Variants in LRCH4 observed in about 807,000 individuals in gnomAD.
LRCH4 encodes the protein leucine rich repeats and calponin homology domain containing 4, also known as leucine-rich repeat and calponin homology domain-containing protein 4.
Under a neutral mutation model 81.2 loss-of-function variants are expected in LRCH4, and 56 were observed. The observed-to-expected ratio is 0.69, with a 90% CI of 0.56 to 0.86. The LOEUF is 0.86. LRCH4 is among the 40% of genes least tolerant of loss of function. The pLI is 0.00. For missense variants in LRCH4, 895 were observed against 922.8 expected (o/e 0.97, Z 0.39); for synonymous variants, 442 against 409.7 (o/e 1.08, Z -0.95).
In LRCH4 at chr7:100,576,935, C is replaced by G. The variant is rs760691766; in HGVS notation, c.1435G>C (p.Ala479Pro). The change falls in exon 13 of 18, where the codon GCC becomes CCC. Residue 479 changes from alanine (A) to proline (P), a missense_variant. Physicochemically the swap from Ala to Pro is conservative, Grantham distance 27. Around this residue, in one of 3 missense-constraint regions of LRCH4, gnomAD observed 529 missense variants for 504.9 expected, o/e 1.05. Transcript: ENST00000310300. ...AGQGAPAPAP[A>P]SQEPLPIAGP... ...GCTATGGGAAGGGGCTCTTGGGAGG[C>G]AGGGGCAGGGGCGGGGGCTCCCTGC... is the stretch of plus-strand genomic sequence containing the variant. 6.4e-7 allele frequency: 1 copy of G among 1,566,724 alleles called. No homozygotes were observed. Among genetic ancestry groups the G allele is most frequent in the East Asian group, 2.3e-5 (1 of 43,302 alleles).
In LRCH4 at chr7:100,577,697, G is replaced by T. The variant is rs764509022; in HGVS notation, c.1083C>A (p.Val361=). The change falls in exon 9 of 18, where the codon GTC becomes GTA. Residue 361 remains valine (V), a synonymous_variant. Coordinates refer to ENST00000310300, the MANE Select transcript of LRCH4 (RefSeq NM_002319.5). The surrounding 1 kb of genome is among the most constrained non-coding windows in gnomAD (Gnocchi z 6.7). ...PVQIDFIDSH[V]PGEDEERGTV... ...TGCCTCGCTCTTCATCCTCCCCGGG[G>T]ACATGGCTGTCGATGAAGTCAATCT... is the stretch of plus-strand genomic sequence containing the variant. The T allele has an allele frequency of 1.9e-6, 3 of 1,613,926 alleles. No homozygotes were observed. Among genetic ancestry groups the T allele is most frequent in the Admixed American group, 1.7e-5 (1 of 60,014 alleles).
chr7:100,581,877 C>A lies in LRCH4; in HGVS notation c.498G>T (p.Val166=). The change falls in exon 4 of 18, where the codon GTG becomes GTT. Residue 166 remains valine, a synonymous_variant. Transcript: ENST00000310300. ...GTLGSLRQLD[V]SSNELQSLPS... ...GCAGGGATTGGAGCTCGTTGCTGCT[C>A]ACGTCCTGGTATCAGGAAGGCAGTG... 6.2e-7 allele frequency: 1 copy of A among 1,614,146 alleles called. No homozygotes were observed. The highest frequency in any genetic ancestry group is 1.1e-5 in the South Asian group (1 of 91,076).
In LRCH4 at chr7:100,578,624, C is replaced by T. The variant is rs963891110; in HGVS notation, c.735+26G>A. The T allele has an allele frequency of 8.1e-6, 13 of 1,609,518 alleles. No individual in the cohort carries two copies. The highest frequency in any genetic ancestry group is 1.1e-5 in the Non-Finnish European group (13 of 1,177,260). On this transcript the variant is annotated intron_variant, in intron 5 of 17. Coordinates refer to ENST00000310300, the MANE Select transcript of LRCH4 (RefSeq NM_002319.5). The surrounding 1 kb of genome is among the most constrained non-coding windows in gnomAD (Gnocchi z 5.7). ...TCCTGCCTAGCCACACCCCTGTCCT[C>T]GTGGCCCCCCAGGCACCCGCCTCAC...
chr7:100,575,483 G>T lies in LRCH4; in HGVS notation c.1855-179C>A. 1 of 817,974 alleles carries T rather than the reference G, an allele frequency of 1.2e-6. No homozygotes were observed. Among genetic ancestry groups the T allele is most frequent in the Non-Finnish European group, 2.1e-6 (1 of 484,872 alleles). The allele number at this position is 817,974 out of a possible 1,614,324, so 50.7% of individuals were successfully genotyped here. A position where few individuals can be genotyped will look rare whatever the true frequency, so the allele number is the denominator to read the frequency against. On this transcript the variant is annotated intron_variant, in intron 17 of 17. Coordinates refer to ENST00000310300, the MANE Select transcript of LRCH4 (RefSeq NM_002319.5). This position sits in a 1 kb window ranked among gnomAD's most constrained non-coding sequence, Gnocchi z 5.3. ...GCAGGGCAGGGCATGTGCAGGACAG[G>T]TGACATGCAGGACAAGATGGGGCCT... is the stretch of plus-strand genomic sequence containing the variant.
At chr7:100,585,812 C>A (rs1388021714) in intron 1 of LRCH4, 69 bp downstream of exon 1, 10 of 1,432,428 alleles carry the variant, frequency 7.0e-6, no homozygotes, top group Non-Finnish European at 8.3e-6. Flanking sequence ...ACTCCCGGGC[C>A]GGGCGGGGCC....
At chr7:100,581,627 C>T (rs914099739) in intron 4 of LRCH4, 150 bp downstream of exon 4, 1 of 663,602 alleles carries the variant, frequency 1.5e-6, no homozygotes, top group Non-Finnish European at 2.6e-6. Context: ...CATGGAAGCA[C>T]CCAGATCCTG....
In LRCH4 at chr7:100,575,892, G is replaced by A. The variant is rs1357047149; in HGVS notation, c.1755C>T (p.Ile585=). ...TGACCACAGCAGGGGAGGGCACATG[G>A]ATGAAGGGCACGGAGCGCGGCCGTA... ...NQLRPRSVPF[I]HVPSPAVPKL... Residue 585 remains isoleucine (I), a synonymous_variant, in exon 16 of 18, where the codon ATC becomes ATT. Coordinates refer to ENST00000310300, the MANE Select transcript of LRCH4 (RefSeq NM_002319.5). This position sits in a 1 kb window ranked among gnomAD's most constrained non-coding sequence, Gnocchi z 5.3. 1 of 1,613,642 alleles carries A rather than the reference G, an allele frequency of 6.2e-7. No individual in the cohort carries two copies. Among genetic ancestry groups the A allele is most frequent in the Non-Finnish European group, 8.5e-7 (1 of 1,179,832 alleles).
chr7:100,585,104 G>C (rs992691379), intron 1 of LRCH4: 1 of 223,262 alleles, frequency 4.5e-6, no homozygotes, highest in Non-Finnish European at 9.3e-6. Flanking sequence ...AGCACTCCCA[G>C]CTAGGAGATA....
In LRCH4 at chr7:100,582,103, T is replaced by A; in HGVS notation, c.430A>T (p.Ser144Cys). The A allele has an allele frequency of 6.2e-7, 1 of 1,612,332 alleles. No individual in the cohort carries two copies. Among genetic ancestry groups the A allele is most frequent in the Non-Finnish European group, 8.5e-7 (1 of 1,179,776 alleles). Residue 144 changes from serine (S) to cysteine (C), a missense_variant, in exon 3 of 18, where the codon AGC (serine) becomes TGC (cysteine). Physicochemically the swap from Ser to Cys is moderately radical, Grantham distance 112 (BLOSUM62 -1). This residue lies in a region of LRCH4 where 360 missense variants were observed against 397.0 expected (regional missense o/e 0.91). Transcript: ENST00000310300. This position sits in a 1 kb window ranked among gnomAD's most constrained non-coding sequence, Gnocchi z 5.0. ...GGCAGGGCTCCCAGCTTGTTGTTGC[T>A]GACGATGAGGACCCTCAGGGGCAGC... is the stretch of plus-strand genomic sequence containing the variant. ...CQLPLRVLIV[S>C]NNKLGALPPD... is the part of the protein sequence containing the mutation.
At chr7:100,576,413 G>C in intron 14 of LRCH4, 90 bp from the exon 15 acceptor site, 2 of 873,410 alleles carry the variant, frequency 2.3e-6, no homozygotes, top group Non-Finnish European at 3.7e-6. Context: ...TACACCTCCT[G>C]CCTCTCTGCT....
Position 100,585,921 on chromosome 7 carries a change from G to A in LRCH4, c.180C>T (p.Gly60=), listed in dbSNP as rs763558065. The A allele has an allele frequency of 1.2e-6, 2 of 1,611,476 alleles. No individual in the cohort carries two copies. The highest frequency in any genetic ancestry group is 2.2e-5 in the South Asian group (2 of 90,856). Residue 60 remains glycine (G), a synonymous_variant, in exon 1 of 18, where the codon GGC becomes GGT. Coordinates refer to ENST00000310300, the MANE Select transcript of LRCH4 (RefSeq NM_002319.5). The stretch of plus-strand genomic sequence containing the variant: ...CTGACAGGTCGTAGCTACGGGCCGC[G>A]CCCCGGGGGAAGTGCTTCAAGCGCC... ...SNRRLKHFPR[G]AARSYDLSDI...
chr7:100,578,520 G>A lies in LRCH4; in HGVS notation c.736-9C>T, dbSNP rs751849257. ...TTCCCCTTCAGGCAGACCTGTGTGC[G>A]GGGCAGCACACGCCAGGGAGTTGGC... On this transcript the variant is annotated splice_polypyrimidine_tract_variant and intron_variant, in intron 5 of 17. Coordinates refer to ENST00000310300, the MANE Select transcript of LRCH4 (RefSeq NM_002319.5). This position sits in a 1 kb window ranked among gnomAD's most constrained non-coding sequence, Gnocchi z 5.7. 25 of 1,610,232 alleles carry A rather than the reference G, an allele frequency of 1.6e-5. No homozygotes were observed. Among genetic ancestry groups the A allele is most frequent in the Non-Finnish European group, 2.0e-5 (24 of 1,177,320 alleles).
intron 4 of LRCH4, chr7:100,580,857 CACACATACACAA>C (rs1416514995): frequency 6.6e-6 from 1 of 152,182 alleles, no homozygotes; most frequent in Non-Finnish European, 1.5e-5. Flanking sequence ...AGACACAACA[CACACATACACAA>C]ACACATACAT....
chr7:100,577,065 G>A lies in LRCH4; in HGVS notation c.1364+21C>T, dbSNP rs749208593. ...GGTCATAGGAAGAGGAGTGGGGAGGGGATGCTGGCAGGAAACCTACTTGTG... is the reference window on the plus strand; with the variant it reads ...GGTCATAGGAAGAGGAGTGGGGAGGAGATGCTGGCAGGAAACCTACTTGTG... On this transcript the variant is annotated intron_variant, in intron 12 of 17. Coordinates refer to ENST00000310300, the MANE Select transcript of LRCH4 (RefSeq NM_002319.5). This position sits in a 1 kb window ranked among gnomAD's most constrained non-coding sequence, Gnocchi z 6.7. 5.6e-6 allele frequency: 9 copies of A among 1,614,138 alleles called. No individual in the cohort carries two copies. The highest frequency in any genetic ancestry group is 7.6e-6 in the Non-Finnish European group (9 of 1,179,990).
intron 14 of LRCH4, 132 bp from the exon 15 acceptor site, chr7:100,576,455 G>A: frequency 1.4e-6 from 1 of 697,446 alleles, no homozygotes; most frequent in Non-Finnish European, 2.5e-6. Context: ...ATGGAGATGG[G>A]GTCTCGCTAT....
At chr7:100,579,008 G>A (rs575618217) in intron 4 of LRCH4, 14 of 561,440 alleles carry the variant, frequency 2.5e-5, no homozygotes, top group South Asian at 6.6e-5. Context: ...CCATCTGGAC[G>A]TCAGCTCAGC....
chr7:100,585,814 G>A (rs2131242434), intron 1 of LRCH4, 67 bp downstream of exon 1: 2 of 1,437,798 alleles, frequency 1.4e-6, no homozygotes, highest in Admixed American at 2.8e-5. Context: ...TCCCGGGCCG[G>A]GCGGGGCCCG....
chr7:100,577,122 C>T lies in LRCH4; in HGVS notation c.1328G>A (p.Gly443Glu). Residue 443 changes from glycine to glutamate, a missense_variant, in exon 12 of 18, where the codon GGA (glycine) becomes GAA (glutamate). Gly to Glu is a moderately conservative substitution (Grantham distance 98). Coordinates refer to ENST00000310300, the MANE Select transcript of LRCH4 (RefSeq NM_002319.5). This position sits in a 1 kb window ranked among gnomAD's most constrained non-coding sequence, Gnocchi z 6.7. The part of the protein sequence containing the change: ...LLKPGLRAVV[G>E]GAAAVSTQAM... Reference sequence around the variant, plus strand: ...TTGAGTGGACACGGCGGCGGCCCCTCCCACAACAGCCCTGAGCCCTGGCTT... The same window carrying T: ...TTGAGTGGACACGGCGGCGGCCCCTTCCACAACAGCCCTGAGCCCTGGCTT... 1 of 1,614,084 alleles carries T rather than the reference C, an allele frequency of 6.2e-7. No individual in the cohort carries two copies. The highest frequency in any genetic ancestry group is 1.1e-5 in the South Asian group (1 of 91,092).
chr7:100,578,260 TGGGGCCA>T lies in LRCH4; in HGVS notation c.849-9_849-3del, dbSNP rs778093317. On this transcript the variant is annotated splice_polypyrimidine_tract_variant and splice_region_variant and intron_variant, in intron 6 of 17. Coordinates refer to ENST00000310300, the MANE Select transcript of LRCH4 (RefSeq NM_002319.5). This position sits in a 1 kb window ranked among gnomAD's most constrained non-coding sequence, Gnocchi z 5.7. ...CCCGGAAATAGATCCTCTGCAGGGC[TGGGGCCA>T]GCCAGGCGGATCTGGTCAGCCTGAT... The T allele has an allele frequency of 1.1e-5, 18 of 1,613,810 alleles. No individual in the cohort carries two copies. The highest frequency in any genetic ancestry group is 1.7e-5 in the Admixed American group (1 of 60,002).
Sources: allele counts gnomAD v4.1 joint callset, GRCh38; gene constraint gnomAD v4.1.1; regional missense constraint gnomAD v4.1.1; non-coding constraint Gnocchi (gnomAD v3.1); transcripts MANE v1.5; gene names NCBI Gene and HGNC (gene_info 2026-07-23, HGNC 2026-07-21).